The following TNIK variants were observed in gnomAD, a reference collection of about 807,000 sequenced individuals.
The protein encoded by TNIK is TRAF2 and NCK interacting kinase, also known as TRAF2 and NCK-interacting protein kinase.
A neutral mutation model predicts 191.3 loss-of-function variants in TNIK; 49 were observed. The ratio of observed to expected loss-of-function variants is 0.26; its 90% CI spans 0.20 to 0.32. The LOEUF (loss-of-function observed/expected upper bound fraction) is 0.32, where lower values mean the gene tolerates loss of function less well. Among genes scored for constraint, TNIK ranks in the 10% least tolerant of loss-of-function variants. The pLI is 1.00. For missense variants in TNIK, 1,155 were observed against 1,702.3 expected (o/e 0.68, Z 5.66); for synonymous variants, 594 against 600.9 (o/e 0.99, Z 0.17).
At chr3:171,153,679 A>C (rs148458735) in intron 12 of TNIK, among the ~76,000 whole-genome samples, 1 of 152,198 alleles carries the variant, frequency 6.6e-6, no homozygotes, top group Admixed American at 6.5e-5. Flanking sequence ...CTTAGTGAAG[A>C]CACATCAATG....
At chr3:171,222,119 G>T (rs1322460333) in intron 3 of TNIK, among the ~76,000 whole-genome samples, 1 of 152,094 alleles carries the variant, frequency 6.6e-6, no homozygotes, top group Non-Finnish European at 1.5e-5. Context: ...TTTGCCCAAG[G>T]TCACAATCAG....
chr3:171,248,386 A>G (rs1745849668), intron 2 of TNIK, among the ~76,000 whole-genome samples: 1 of 152,220 alleles, frequency 6.6e-6, no homozygotes, highest in African/African-American at 2.4e-5. Flanking sequence ...AATGCAGAAA[A>G]ATAAACAGCT....
intron 30 of TNIK, among the ~76,000 whole-genome samples, chr3:171,067,960 ACTT>A (rs780182076): frequency 6.6e-6 from 1 of 152,164 alleles, no homozygotes; most frequent in Non-Finnish European, 1.5e-5. Flanking sequence ...TACTGAAACA[ACTT>A]CTTTTAGTTA....
rs149231372 is a variant in TNIK, at chr3:171,433,607, C to T, written c.57+26400G>A. Reference sequence around the variant, plus strand: ...AGACATACACACACATGCACATACACGTGTGCAACAAAAACACAAATTATA... The same window carrying T: ...AGACATACACACACATGCACATACATGTGTGCAACAAAAACACAAATTATA... On this transcript the variant is annotated intron_variant, in intron 1 of 32. Transcript: ENST00000436636. 3.8e-3 allele frequency among the ~76,000 whole-genome samples: 574 copies of T among 152,134 alleles called. 4 individuals carry two copies. The highest frequency in any genetic ancestry group is 0.013 in the African/African-American group (550 of 41,532).
intron 4 of TNIK, 146 bp downstream of exon 4, chr3:171,210,970 C>T: frequency 9.7e-7 from 1 of 1,028,732 alleles, no homozygotes. Flanking sequence ...TGGGAGAAAA[C>T]CCTGAAAACA....
intron 2 of TNIK, among the ~76,000 whole-genome samples, chr3:171,323,495 C>A (rs1309709707): frequency 6.6e-6 from 1 of 152,138 alleles, no homozygotes. Context: ...ATCTGGTGAG[C>A]ACCTACTGTG....
At chr3:171,265,609 T>C (rs1171058188) in intron 2 of TNIK, among the ~76,000 whole-genome samples, 1 of 152,254 alleles carries the variant, frequency 6.6e-6, no homozygotes, top group Non-Finnish European at 1.5e-5. Flanking sequence ...AAGCAGATGC[T>C]ACCAACAAAA....
Position 171,123,669 on chromosome 3 carries a change from A to G in TNIK, c.2047T>C (p.Leu683=). 1 of 1,575,876 alleles carries G rather than the reference A, an allele frequency of 6.3e-7. No homozygotes were observed. Among genetic ancestry groups the G allele is most frequent in the South Asian group, 1.2e-5 (1 of 85,700 alleles). Reference sequence around the variant, plus strand: ...TTCCCAGGAGAATTCTTTCTGGCTAATGCTGGGGATATAGAAGTTGTTCTT... The same window carrying G: ...TTCCCAGGAGAATTCTTTCTGGCTAGTGCTGGGGATATAGAAGTTGTTCTT... ...PQRTTSISPA[L]ARKNSPGNGS... is the part of the protein sequence containing the mutation. The change falls in exon 18 of 33, where the codon TTA becomes CTA. Residue 683 remains leucine (L), a synonymous_variant. Coordinates refer to ENST00000436636, the MANE Select transcript of TNIK (RefSeq NM_015028.4).
intron 12 of TNIK, among the ~76,000 whole-genome samples, chr3:171,141,032 C>T (rs141172903): frequency 6.6e-6 from 1 of 152,304 alleles, no homozygotes; most frequent in African/African-American, 2.4e-5. Flanking sequence ...TACCTTTTCT[C>T]ATATATCATG....
chr3:171,316,920 CAT>C (rs1313146926), intron 2 of TNIK, among the ~76,000 whole-genome samples: 1 of 91,614 alleles, frequency 1.1e-5, no homozygotes, highest in Non-Finnish European at 2.1e-5. Flanking sequence ...TGATATATAT[CAT>C]ATAAAATATA....
At chr3:171,078,888 C>G (rs1262934865) in intron 28 of TNIK, among the ~76,000 whole-genome samples, 1 of 152,146 alleles carries the variant, frequency 6.6e-6, no homozygotes, top group African/African-American at 2.4e-5. Context: ...CACAAGTATT[C>G]CCAGCATCAT....
At chr3:171,225,527 G>T (rs762991789) in intron 3 of TNIK, 1 of 456,206 alleles carries the variant, frequency 2.2e-6, no homozygotes, top group South Asian at 1.6e-5. Context: ...ATGTAAAATG[G>T]CCTTACCTCT....
intron 1 of TNIK, among the ~76,000 whole-genome samples, chr3:171,459,637 G>A (rs765603491): frequency 5.2e-4 from 78 of 150,298 alleles, no homozygotes; most frequent in Non-Finnish European, 9.9e-4. Flanking sequence ...GGACAGTCGG[G>A]TCTCGCGCCT....
intron 25 of TNIK, 147 bp downstream of exon 25, chr3:171,084,971 A>G: frequency 1.7e-6 from 1 of 590,214 alleles, no homozygotes; most frequent in Non-Finnish European, 2.8e-6. Context: ...AGTCCTACAG[A>G]AATAATAATT....
intron 22 of TNIK, 147 bp downstream of exon 22, chr3:171,101,302 A>G (rs1408398996): frequency 3.7e-6 from 3 of 815,960 alleles, no homozygotes; most frequent in African/African-American, 1.7e-5. Flanking sequence ...TTATAGAACT[A>G]TGCTCCAACA....
At chr3:171,395,668 T>A (rs1295848685) in intron 1 of TNIK, among the ~76,000 whole-genome samples, 5 of 152,152 alleles carry the variant, frequency 3.3e-5, no homozygotes, top group African/African-American at 7.2e-5. Flanking sequence ...ATTAACCAGG[T>A]TTTTTAGATT....
chr3:171,175,011 T>C (rs776603507), intron 9 of TNIK, among the ~76,000 whole-genome samples: 3 of 152,214 alleles, frequency 2.0e-5, no homozygotes, highest in Non-Finnish European at 2.9e-5. Flanking sequence ...TTGGCTTCAC[T>C]TACCCATTTT....
At chr3:171,392,027 T>C (rs1443388465) in intron 1 of TNIK, among the ~76,000 whole-genome samples, 1 of 152,094 alleles carries the variant, frequency 6.6e-6, no homozygotes, top group Admixed American at 6.6e-5. Flanking sequence ...AACTTCATAA[T>C]CCAGAAGTTC....
chr3:171,443,329 C>A (rs892400691), intron 1 of TNIK, among the ~76,000 whole-genome samples: 1 of 152,146 alleles, frequency 6.6e-6, no homozygotes, highest in African/African-American at 2.4e-5. Context: ...CCCTTTCAAC[C>A]ACGCCAATTG....
Sources: allele counts gnomAD v4.1 joint callset (sites outside exome capture counted in the v4.1 genomes callset), GRCh38; gene constraint gnomAD v4.1.1; transcripts MANE v1.5; gene names NCBI Gene and HGNC (gene_info 2026-07-23, HGNC 2026-07-21).